NCAM2: variants seen among roughly 807,000 people sequenced by gnomAD.
NCAM2 encodes the protein N-CAM-2.
In NCAM2, 30 loss-of-function variants were observed where a neutral mutation model predicts 98.1. That is an observed-to-expected ratio of 0.31 (90% CI 0.23 to 0.41). The LOEUF (loss-of-function observed/expected upper bound fraction) is 0.41, where lower values mean the gene tolerates loss of function less well. Among genes scored for constraint, NCAM2 ranks in the 10% least tolerant of loss-of-function variants. NCAM2 has a pLI of 1.00. For missense variants in NCAM2, 867 were observed against 1,005.8 expected (o/e 0.86, Z 1.87); for synonymous variants, 368 against 342.4 (o/e 1.07, Z -0.83).
chr21:21,175,583 A>G (rs988109380), intron 1 of NCAM2, among the ~76,000 whole-genome samples: 7 of 152,182 alleles, frequency 4.6e-5, no homozygotes. Context: ...AACATTAAAG[A>G]TAGCAAGAAG....
chr21:21,290,694 C>G (rs2073258300), intron 4 of NCAM2, among the ~76,000 whole-genome samples: 1 of 151,674 alleles, frequency 6.6e-6, no homozygotes, highest in Non-Finnish European at 1.5e-5. Context: ...GCATTTTCAC[C>G]CCTGATTAGT....
intron 15 of NCAM2, among the ~76,000 whole-genome samples, chr21:21,479,583 CAAAAAAAAA>C (rs1156588500): frequency 3.2e-4 from 10 of 30,964 alleles, no homozygotes; most frequent in African/African-American, 8.7e-4. Flanking sequence ...GACTGCGTCT[CAAAAAAAAA>C]AAAAAAAAAA....
chr21:21,001,802 A>G (rs567998106), intron 1 of NCAM2, among the ~76,000 whole-genome samples: 2 of 152,314 alleles, frequency 1.3e-5, no homozygotes, highest in South Asian at 4.1e-4. Flanking sequence ...ATCGTGAGGA[A>G]AGGAGGGGTG....
chr21:21,209,368 ACAATGCC>A (rs2147072055), intron 1 of NCAM2, among the ~76,000 whole-genome samples: 1 of 152,318 alleles, frequency 6.6e-6, no homozygotes, highest in East Asian at 1.9e-4. Flanking sequence ...GATGTACAAC[ACAATGCC>A]CAGTTAATTT....
chr21:21,363,036 A>AAATTT (rs2075687967), intron 8 of NCAM2, among the ~76,000 whole-genome samples: 2 of 152,162 alleles, frequency 1.3e-5, no homozygotes, highest in South Asian at 4.1e-4. Context: ...AACAAAACAC[A>AAATTT]AATTTATATT....
chr21:21,539,754 G>T lies in NCAM2; in HGVS notation c.*1797G>T, dbSNP rs1453071956. 1 of 152,130 alleles carries T rather than the reference G, an allele frequency of 6.6e-6. No individual in the cohort carries two copies. Among genetic ancestry groups the T allele is most frequent in the East Asian group, 1.9e-4 (1 of 5,186 alleles). 9.4% of individuals were successfully genotyped at this position (152,130 alleles called of 1,614,324 possible). Reference sequence around the variant, plus strand: ...TTCTGAAGAAAAGAACAGAATTCTTGTGCCTACCTAAGAATTTGAGTAGTG... The same window carrying T: ...TTCTGAAGAAAAGAACAGAATTCTTTTGCCTACCTAAGAATTTGAGTAGTG... On this transcript the variant is annotated 3_prime_UTR_variant, in exon 18 of 18. Transcript: ENST00000400546.
intron 1 of NCAM2, among the ~76,000 whole-genome samples, chr21:21,077,968 C>T (rs8129583): frequency 0.21 from 31,916 of 151,850 alleles, 3,782 homozygotes; most frequent in African/African-American, 0.3. Context: ...ATTTATAGAA[C>T]CTTACAAGCA....
rs1201147526 is a variant in NCAM2 at position 21,481,271 on chromosome 21, G to C, written c.2077+3800G>C. Reference sequence around the variant, plus strand: ...TCCAAGGAACTATCATATTATACTAGAAGAAGAAACCAGATCACTCCACCC... The same window carrying C: ...TCCAAGGAACTATCATATTATACTACAAGAAGAAACCAGATCACTCCACCC... On this transcript the variant is annotated intron_variant, in intron 15 of 17. Coordinates refer to ENST00000400546, the MANE Select transcript of NCAM2 (RefSeq NM_004540.5). 2.0e-5 allele frequency among the ~76,000 whole-genome samples: 3 copies of C among 152,270 alleles called. No individual in the cohort carries two copies. The East Asian group carries it at 5.8e-4, about 29-fold the overall frequency.
At chr21:21,033,313 TG>T (rs1049391566) in intron 1 of NCAM2, among the ~76,000 whole-genome samples, 6 of 152,174 alleles carry the variant, frequency 3.9e-5, no homozygotes, top group Non-Finnish European at 7.3e-5. Context: ...TGGGATAAGT[TG>T]GCATGGGAAA....
At chr21:21,382,513 A>T (rs2076175750) in intron 9 of NCAM2, among the ~76,000 whole-genome samples, 1 of 118,520 alleles carries the variant, frequency 8.4e-6, no homozygotes. Context: ...GTTTTATTTC[A>T]GGGATTTTTT....
chr21:21,055,707 C>A (rs979300020), intron 1 of NCAM2, among the ~76,000 whole-genome samples: 1 of 152,012 alleles, frequency 6.6e-6, no homozygotes. Flanking sequence ...CAGGGACACC[C>A]CACTTGAGAT....
At chr21:21,217,391 T>C (rs773161523) in intron 1 of NCAM2, among the ~76,000 whole-genome samples, 3 of 152,170 alleles carry the variant, frequency 2.0e-5, no homozygotes, top group Non-Finnish European at 2.9e-5. Context: ...AGTGAGTATA[T>C]GTTACCGGTA....
At chr21:21,422,391 A>C (rs1271298373) in intron 11 of NCAM2, among the ~76,000 whole-genome samples, 1 of 152,150 alleles carries the variant, frequency 6.6e-6, no homozygotes, top group African/African-American at 2.4e-5. Context: ...TAAAAGCCCA[A>C]ACTTTGCTAG....
intron 15 of NCAM2, among the ~76,000 whole-genome samples, chr21:21,500,821 A>G (rs1477153747): frequency 2.6e-5 from 4 of 152,058 alleles, no homozygotes; most frequent in African/African-American, 9.7e-5. Context: ...TTGTTAATAT[A>G]AGACATCTCT....
intron 3 of NCAM2, 118 bp downstream of exon 3, chr21:21,284,518 G>A: frequency 1.3e-6 from 1 of 746,718 alleles, no homozygotes; most frequent in Non-Finnish European, 2.2e-6. Flanking sequence ...ATAAATATCA[G>A]TTTATTTATG....
At chr21:21,301,012 C>T (rs1184485986) in intron 5 of NCAM2, among the ~76,000 whole-genome samples, 2 of 151,956 alleles carry the variant, frequency 1.3e-5, no homozygotes, top group African/African-American at 2.4e-5. Flanking sequence ...ATAATCACCA[C>T]GGATAGTGAA....
intron 1 of NCAM2, among the ~76,000 whole-genome samples, chr21:21,253,989 G>C (rs1234811808): frequency 6.6e-6 from 1 of 152,116 alleles, no homozygotes; most frequent in African/African-American, 2.4e-5. Context: ...TAAGACCTAT[G>C]GAGGATGCCC....
At chr21:21,106,330 G>C (rs1172233745) in intron 1 of NCAM2, among the ~76,000 whole-genome samples, 1 of 90,468 alleles carries the variant, frequency 1.1e-5, no homozygotes, top group African/African-American at 6.0e-5. Context: ...AAAAAAAAAA[G>C]GAACAGCCAA....
intron 1 of NCAM2, among the ~76,000 whole-genome samples, chr21:21,231,727 A>G (rs984972891): frequency 1.3e-5 from 2 of 151,416 alleles, no homozygotes; most frequent in Admixed American, 1.3e-4. Flanking sequence ...TATGGATATT[A>G]TGTAGGTCAT....
Sources: gnomAD v4.1 joint callset for allele counts (sites outside exome capture counted in the v4.1 genomes callset) on GRCh38, gnomAD v4.1.1 for gene constraint, MANE v1.5 for transcripts, NCBI Gene and HGNC (gene_info 2026-07-23, HGNC 2026-07-21) for gene names.